LRIG2: variants seen among roughly 807,000 people sequenced by gnomAD.
LRIG2 encodes leucine rich repeats and immunoglobulin like domains 2.
A neutral mutation model predicts 107.8 loss-of-function variants in LRIG2; 93 were observed. The ratio of observed to expected loss-of-function variants is 0.86; its 90% confidence interval spans 0.73 to 1.03. The LOEUF (loss-of-function observed/expected upper bound fraction) is 1.03. Ranked by LOEUF, LRIG2 falls within the 50% of genes least tolerant of loss-of-function variation. The probability of loss-of-function intolerance (pLI) is 0.00; values close to 1 mark genes in which losing one functional copy is unlikely to be tolerated. For missense variants in LRIG2, 1,226 were observed against 1,296.0 expected (o/e 0.95, Z 0.83); for synonymous variants, 471 against 470.6 (o/e 1.00, Z -0.01).
At chr1:113,103,277 A>C (rs541202353) in intron 11 of LRIG2, 8 of 152,284 alleles carry the variant, frequency 5.3e-5, no homozygotes, top group Non-Finnish European at 2.9e-5. Flanking sequence ...ACTCTTCCTC[A>C]TTGTAGACCA....
intron 11 of LRIG2, chr1:113,103,276 C>T (rs1334752912): frequency 6.6e-6 from 1 of 152,186 alleles, no homozygotes; most frequent in Non-Finnish European, 1.5e-5. Context: ...AACTCTTCCT[C>T]ATTGTAGACC....
At chr1:113,102,351 C>T (rs1467478235) in intron 11 of LRIG2, among the ~76,000 whole-genome samples, 1 of 151,886 alleles carries the variant, frequency 6.6e-6, no homozygotes, top group African/African-American at 2.4e-5. Flanking sequence ...TCACTGCAAC[C>T]TCTGCCTCCC....
intron 11 of LRIG2, chr1:113,103,499 C>T (rs529220700): frequency 6.6e-6 from 1 of 152,390 alleles, no homozygotes; most frequent in East Asian, 1.9e-4. Context: ...TCTCTCTCCC[C>T]AGCTGCAACA....
At position 113,125,971 on chromosome 1, in the gene LRIG2, T is replaced by A. The variant is rs993500133; in HGVS notation, c.*1870T>A. The stretch of plus-strand genomic sequence containing the variant: ...GTTGTTTGGTGTTGGAGATGTTAAC[T>A]GGGTTCTATTAGGTGTGCTATATCT... On this transcript the variant is annotated 3_prime_UTR_variant, in exon 18 of 18. Coordinates refer to ENST00000361127, the MANE Select transcript of LRIG2 (RefSeq NM_014813.3). 3 of 152,214 alleles carry A rather than the reference T, an allele frequency of 2.0e-5. No individual in the cohort carries two copies. The highest frequency in any genetic ancestry group is 4.4e-5 in the Non-Finnish European group (3 of 68,044). 9.4% of individuals were successfully genotyped at this position (152,214 alleles called of 1,614,324 possible).
intron 11 of LRIG2, among the ~76,000 whole-genome samples, chr1:113,101,348 G>C (rs918244770): frequency 6.6e-6 from 1 of 152,156 alleles, no homozygotes; most frequent in African/African-American, 2.4e-5. Flanking sequence ...GATTACAGGC[G>C]TGAGCCACCG....
At chr1:113,098,214 T>C (rs1006033003) in intron 8 of LRIG2, among the ~76,000 whole-genome samples, 1 of 152,210 alleles carries the variant, frequency 6.6e-6, no homozygotes, top group Non-Finnish European at 1.5e-5. Flanking sequence ...TGGGGCATCT[T>C]TAATTGCTCT....
intron 17 of LRIG2, among the ~76,000 whole-genome samples, chr1:113,121,417 C>A (rs1655249587): frequency 2.0e-5 from 3 of 152,150 alleles, no homozygotes; most frequent in African/African-American, 7.2e-5. Context: ...TTTCATCCTT[C>A]TGTCAGCCTG....
rs751190151 is a variant in LRIG2 at position 113,073,557 on chromosome 1, A to T, written c.151A>T (p.Ile51Phe). ...GLCPAPCSCRIPLLDCSRRKL... is the reference protein window; with the variant it reads ...GLCPAPCSCRFPLLDCSRRKL... ...CTGCCCCGCGCCCTGCTCCTGCCGC[A>T]TTCCTCTCCTGGACTGCAGTCGCAG... Residue 51 changes from isoleucine (I) to phenylalanine (F), a missense_variant, in exon 1 of 18, where the codon ATT becomes TTT. Ile to Phe is a conservative substitution (Grantham distance 21). Coordinates refer to ENST00000361127, the MANE Select transcript of LRIG2 (RefSeq NM_014813.3). 1.9e-6 allele frequency: 3 copies of T among 1,613,974 alleles called. No homozygotes were observed. The highest frequency in any genetic ancestry group is 2.5e-6 in the Non-Finnish European group (3 of 1,179,990).
rs1654926497 is a variant in LRIG2, at chr1:113,114,696, AT to A, written c.2353del (p.Ser785HisfsTer38). The A allele has an allele frequency of 6.2e-7, 1 of 1,614,158 alleles. No individual in the cohort carries two copies. The highest frequency in any genetic ancestry group is 1.3e-5 in the African/African-American group (1 of 75,036). On this transcript the variant is annotated frameshift_variant, in exon 15 of 18. Coordinates refer to ENST00000361127, the MANE Select transcript of LRIG2 (RefSeq NM_014813.3). LOFTEE classifies it high-confidence loss of function. ...ACGTGGCCACATTTACCTAAATGTC[AT>A]TTCATCCCCCAATTGTGACTCTTCC... ...TERGHIYLNV[I>X]SSPNCDSSQS...
In LRIG2 at chr1:113,092,565, C is replaced by G. The variant is rs953693975; in HGVS notation, c.306-641C>G. 2.6e-5 allele frequency among the ~76,000 whole-genome samples: 4 copies of G among 152,112 alleles called. No individual in the cohort carries two copies. In the East Asian group the frequency reaches 5.8e-4, roughly 22 times the overall value. On this transcript the variant is annotated intron_variant, in intron 2 of 17. Coordinates refer to ENST00000361127, the MANE Select transcript of LRIG2 (RefSeq NM_014813.3). Reference sequence around the variant, plus strand: ...GATCTGGATGGACTGATTATGCCTTCTTTAAGGACTCAAATTAGCTGCCAT... The same window carrying G: ...GATCTGGATGGACTGATTATGCCTTGTTTAAGGACTCAAATTAGCTGCCAT...
chr1:113,118,831 A>AT (rs1252374877), intron 16 of LRIG2, among the ~76,000 whole-genome samples: 1 of 151,954 alleles, frequency 6.6e-6, no homozygotes, highest in Non-Finnish European at 1.5e-5. Context: ...CGCCTGGCTA[A>AT]TTTTTTGTAT....
intron 9 of LRIG2, among the ~76,000 whole-genome samples, chr1:113,099,244 CTT>C (rs984786053): frequency 8.5e-6 from 1 of 117,942 alleles, no homozygotes; most frequent in Admixed American, 1.0e-4. Flanking sequence ...TGGTTTTTTT[CTT>C]TTTTTTTTTG....
At chr1:113,121,007 G>A (rs755178399) in intron 17 of LRIG2, among the ~76,000 whole-genome samples, 7 of 151,728 alleles carry the variant, frequency 4.6e-5, no homozygotes, top group African/African-American at 7.3e-5. Context: ...TTTATAAGAT[G>A]GGGTTTCACC....
At chr1:113,084,040 A>ATAT (rs200107490) in intron 1 of LRIG2, among the ~76,000 whole-genome samples, 27,556 of 129,116 alleles carry the variant, frequency 0.21, 4,190 homozygotes, top group Admixed American at 0.29. Flanking sequence ...AATAATAATA[A>ATAT]TATTGGCCTT....
At chr1:113,119,175 A>T in intron 16 of LRIG2, 58 bp from the exon 17 acceptor site, 1 of 1,532,486 alleles carries the variant, frequency 6.5e-7, no homozygotes, top group Non-Finnish European at 8.9e-7. Context: ...AAAACTGACG[A>T]TTGGCAAAAA....
chr1:113,094,831 A>T (rs974097615), intron 6 of LRIG2, 76 bp downstream of exon 6: 1 of 1,415,490 alleles, frequency 7.1e-7, no homozygotes, highest in African/African-American at 1.4e-5. Flanking sequence ...TGGCTAGGGT[A>T]GTTGTTCTGA....
At chr1:113,100,621 CT>C in intron 11 of LRIG2, 133 bp downstream of exon 11, 1 of 555,154 alleles carries the variant, frequency 1.8e-6, no homozygotes, top group Admixed American at 3.1e-5. Flanking sequence ...AGTATTAATA[CT>C]CAGTTATTTA....
rs66524955 is a variant in LRIG2 at position 113,123,727 on chromosome 1, T to TTGTGTGTGTG, written c.2972-123_2972-114dup. 4.5e-3 allele frequency: 2,688 copies of TTGTGTGTGTG among 596,532 alleles called. 2 individuals are homozygous for TTGTGTGTGTG. The highest frequency in any genetic ancestry group is 7.0e-3 in the South Asian group (342 of 49,016). The allele number at this position is 596,532 out of a possible 1,614,324, so 37.0% of individuals were successfully genotyped here. A position where few individuals can be genotyped will look rare whatever the true frequency, so the allele number is the denominator to read the frequency against. On this transcript the variant is annotated intron_variant, in intron 17 of 17. Transcript: ENST00000361127. ...AAAGACCATGTTCTGGTGGTGGTTTTTGTGTGTGTGTGTGTGTGTGTGTGT... is the reference window on the plus strand; with the variant it reads ...AAAGACCATGTTCTGGTGGTGGTTTTTGTGTGTGTGTGTGTGTGTGTGTGTGTGTGTGTGT...
rs1652789164 is a variant in LRIG2, at chr1:113,073,391, C to T, written c.-16C>T. On this transcript the variant is annotated 5_prime_UTR_variant, in exon 1 of 18. Transcript: ENST00000361127. ...GCAGGCAGCTCTTCTAGGCCACGTC[C>T]AGGTCGAGGGGGAAAATGGCGCCGG... 1 of 1,606,884 alleles carries T rather than the reference C, an allele frequency of 6.2e-7. No individual in the cohort carries two copies. Among genetic ancestry groups the T allele is most frequent in the Non-Finnish European group, 8.5e-7 (1 of 1,174,130 alleles).
Sources: gnomAD v4.1 joint callset for allele counts (sites outside exome capture counted in the v4.1 genomes callset) on GRCh38, gnomAD v4.1.1 for gene constraint, MANE v1.5 for transcripts, NCBI Gene and HGNC (gene_info 2026-07-23, HGNC 2026-07-21) for gene names.